The following TDRD9 variants were observed in gnomAD, a reference collection of about 807,000 sequenced individuals.
TDRD9 encodes the protein tudor domain containing 9.
Under a neutral mutation model 172.6 loss-of-function variants are expected in TDRD9, and 124 were observed. The observed-to-expected ratio is 0.72, with a 90% CI of 0.62 to 0.83. The LOEUF is 0.83. Ranked by LOEUF, TDRD9 falls within the 40% of genes least tolerant of loss-of-function variation. TDRD9 has a pLI of 0.00. For synonymous variants in TDRD9, 619 were observed against 617.1 expected (o/e 1.00, Z -0.05); for missense variants, 1,479 against 1,714.1 (o/e 0.86, Z 2.42).
At chr14:103,965,076 G>T (rs1033088555) in intron 3 of TDRD9, among the ~76,000 whole-genome samples, 3 of 152,004 alleles carry the variant, frequency 2.0e-5, no homozygotes, top group African/African-American at 7.3e-5. Flanking sequence ...GCTGGGTGTG[G>T]TGGTACACGC....
intron 13 of TDRD9, 76 bp from the exon 14 acceptor site, chr14:104,004,162 C>A: frequency 1.5e-6 from 1 of 655,976 alleles, no homozygotes; most frequent in Non-Finnish European, 2.7e-6. Flanking sequence ...TATTTAATGA[C>A]TGTTTAAAAA....
chr14:104,010,109 C>T (rs1031101642), intron 20 of TDRD9, among the ~76,000 whole-genome samples: 4 of 151,910 alleles, frequency 2.6e-5, no homozygotes, highest in African/African-American at 9.7e-5. Flanking sequence ...CCACGCTTGG[C>T]TACTTTTTTG....
At chr14:103,968,785 G>A (rs1450031740) in intron 5 of TDRD9, among the ~76,000 whole-genome samples, 1 of 1,356 alleles carries the variant, frequency 7.4e-4, no homozygotes, top group African/African-American at 9.9e-4. Context: ...GACAGAGTGA[G>A]ACTCTGTCTC....
At chr14:103,969,851 G>T (rs1285188464) in intron 5 of TDRD9, among the ~76,000 whole-genome samples, 1 of 152,034 alleles carries the variant, frequency 6.6e-6, no homozygotes, top group Non-Finnish European at 1.5e-5. Context: ...GGGTCCTGGG[G>T]TGGCTCTGAC....
intron 1 of TDRD9, chr14:103,939,845 C>T (rs2152119045): frequency 7.3e-6 from 1 of 136,142 alleles, no homozygotes; most frequent in South Asian, 2.6e-4. Flanking sequence ...CTCCTGGGCT[C>T]CAGTGAGCTT....
intron 34 of TDRD9, among the ~76,000 whole-genome samples, chr14:104,046,707 G>A (rs898254805): frequency 3.3e-5 from 5 of 151,710 alleles, no homozygotes; most frequent in Non-Finnish European, 7.4e-5. Flanking sequence ...GTGCAGTGGC[G>A]TGATCTCGGC....
At position 103,948,267 on chromosome 14, in the gene TDRD9, TTC is replaced by T. The variant is rs1282980350; in HGVS notation, c.216-7396_216-7395del. 5.3e-5 allele frequency among the ~76,000 whole-genome samples: 8 copies of T among 152,196 alleles called. 1 individual carries two copies. In the South Asian group the frequency reaches 1.5e-3, roughly 28 times the overall value. Reference sequence around the variant, plus strand: ...CCTGGTTTCAAGTGATCCTCCCACCTTCACCTCCCAAAGTGCTGGGAGTATAG... The same window carrying T: ...CCTGGTTTCAAGTGATCCTCCCACCTACCTCCCAAAGTGCTGGGAGTATAG... On this transcript the variant is annotated intron_variant, in intron 1 of 35. Transcript: ENST00000409874.
chr14:104,018,176 G>C lies in TDRD9; in HGVS notation c.2416G>C (p.Val806Leu). Residue 806 changes from valine to leucine, a missense_variant, in exon 23 of 36, where the codon GTA becomes CTA. Around this residue, in one of 3 missense-constraint regions of TDRD9, gnomAD observed 1,413 missense variants for 1,649.1 expected, o/e 0.86. Transcript: ENST00000409874. ...FRQCGQVKSI[V>L]FDGAKAFVEF... ...ACAGTGTGGTCAAGTCAAATCCATTGTATTTGATGGTGCAAAGTAAGTATA... is the reference window on the plus strand; with the variant it reads ...ACAGTGTGGTCAAGTCAAATCCATTCTATTTGATGGTGCAAAGTAAGTATA... 6.3e-7 allele frequency: 1 copy of C among 1,591,778 alleles called. No homozygotes were observed.
At chr14:104,035,571 C>G (rs780159753) in intron 32 of TDRD9, among the ~76,000 whole-genome samples, 1 of 152,200 alleles carries the variant, frequency 6.6e-6, no homozygotes, top group Admixed American at 6.5e-5. Flanking sequence ...GAGCAGAGCT[C>G]TTAAAGGCAC....
intron 9 of TDRD9, 24 bp downstream of exon 9, chr14:103,991,248 C>G (rs373249107): frequency 1.9e-6 from 3 of 1,613,186 alleles, no homozygotes; most frequent in Non-Finnish European, 2.5e-6. Context: ...AATTTTGTGA[C>G]TTGGAATCAT....
chr14:103,941,332 T>G, intron 1 of TDRD9: 1 of 1,220,730 alleles, frequency 8.2e-7, no homozygotes, highest in Non-Finnish European at 1.1e-6. Flanking sequence ...CAGTTTCTAG[T>G]CAAAATATAT....
intron 5 of TDRD9, among the ~76,000 whole-genome samples, chr14:103,969,540 A>G (rs1215872332): frequency 6.6e-6 from 1 of 152,188 alleles, no homozygotes; most frequent in South Asian, 2.1e-4. Flanking sequence ...TCTTTTCTCT[A>G]TGCTACTTCT....
chr14:104,031,756 TC>T (rs2035290431), intron 29 of TDRD9, among the ~76,000 whole-genome samples: 1 of 137,232 alleles, frequency 7.3e-6, no homozygotes, highest in Non-Finnish European at 1.6e-5. Context: ...CACTAAATTG[TC>T]AATGATTCCT....
At chr14:103,987,051 T>C (rs2033686979) in intron 8 of TDRD9, among the ~76,000 whole-genome samples, 1 of 151,582 alleles carries the variant, frequency 6.6e-6, no homozygotes, top group African/African-American at 2.4e-5. Flanking sequence ...GAGGCAGAGG[T>C]TGCAGTAAGC....
At position 104,026,759 on chromosome 14, in the gene TDRD9, C is replaced by T; in HGVS notation, c.3102C>T (p.Ser1034=). 1 of 1,613,954 alleles carries T rather than the reference C, an allele frequency of 6.2e-7. No individual in the cohort carries two copies. The highest frequency in any genetic ancestry group is 8.5e-7 in the Non-Finnish European group (1 of 1,179,880). Residue 1034 remains serine (S), a synonymous_variant, in exon 28 of 36, where the codon AGC becomes AGT. Coordinates refer to ENST00000409874, the MANE Select transcript of TDRD9 (RefSeq NM_153046.3). ...VCGKHWSDGA[S]QWFASLVSGC... ...GCAAGCACTGGAGTGACGGGGCCAG[C>T]CAGTGGTTCGCCTCTCTGGTGAGCG...
intron 1 of TDRD9, among the ~76,000 whole-genome samples, chr14:103,937,857 C>CT (rs11319552): frequency 0.34 from 51,023 of 149,752 alleles, 8,756 homozygotes; most frequent in Middle Eastern, 0.37. Flanking sequence ...TGTTGATTTT[C>CT]TTTTTTTTTT....
chr14:103,971,547 G>T (rs78954774), intron 6 of TDRD9, among the ~76,000 whole-genome samples: 1,695 of 152,068 alleles, frequency 0.011, 19 homozygotes, highest in Non-Finnish European at 0.019. Context: ...CAACTGATTT[G>T]CTTGCTTTGG....
At chr14:103,966,945 C>T (rs1333049842) in intron 5 of TDRD9, 114 bp downstream of exon 5, 13 of 1,036,616 alleles carry the variant, frequency 1.3e-5, no homozygotes, top group Admixed American at 3.5e-5. Flanking sequence ...TTTTCCTTCC[C>T]CTTTACTTTC....
intron 25 of TDRD9, 69 bp downstream of exon 25, chr14:104,024,749 T>TACACACACAC (rs60394937): frequency 2.1e-4 from 91 of 435,098 alleles, no homozygotes; most frequent in African/African-American, 1.8e-3. Flanking sequence ...ACAGGAAGTT[T>TACACACACAC]ACACACACAC....
Sources: allele counts gnomAD v4.1 joint callset (sites outside exome capture counted in the v4.1 genomes callset), GRCh38; gene constraint gnomAD v4.1.1; regional missense constraint gnomAD v4.1.1; transcripts MANE v1.5; gene names NCBI Gene and HGNC (gene_info 2026-07-23, HGNC 2026-07-21).